The following GFI1B variants were observed in gnomAD, a reference collection of about 807,000 sequenced individuals.
The protein encoded by GFI1B is zinc finger protein Gfi-1b.
Under a neutral mutation model 35.3 loss-of-function variants are expected in GFI1B, and 20 were observed. The ratio of observed to expected loss-of-function variants is 0.57; its 90% CI spans 0.40 to 0.82. The LOEUF is 0.82. Among genes scored for constraint, GFI1B ranks in the 40% least tolerant of loss-of-function variants. The pLI is 0.00. For synonymous variants in GFI1B, 178 were observed against 177.6 expected (o/e 1.00, Z -0.02); for missense variants, 430 against 446.3 (o/e 0.96, Z 0.33).
In GFI1B at chr9:132,991,112, C is replaced by G. The variant is rs1372611681; in HGVS notation, c.*62C>G. On this transcript the variant is annotated 3_prime_UTR_variant, in exon 7 of 7. Transcript: ENST00000372122. ...TGCGGTCCTGTCACCTGGAGGCCAGCCTCACATGCCCAAATCTCCAGTCTC... is the reference window on the plus strand; with the variant it reads ...TGCGGTCCTGTCACCTGGAGGCCAGGCTCACATGCCCAAATCTCCAGTCTC... The G allele has an allele frequency of 7.0e-7, 1 of 1,419,854 alleles. No homozygotes were observed. The highest frequency in any genetic ancestry group is 9.9e-7 in the Non-Finnish European group (1 of 1,014,862). The allele number at this position is 1,419,854 out of a possible 1,614,324, so 88.0% of individuals were successfully genotyped here. A position where few individuals can be genotyped will look rare whatever the true frequency, so the allele number is the denominator to read the frequency against.
intron 1 of GFI1B, among the ~76,000 whole-genome samples, chr9:132,963,081 C>CAA (rs763899545): frequency 6.5e-3 from 300 of 46,228 alleles, no homozygotes; most frequent in Non-Finnish European, 8.4e-3. Flanking sequence ...GACTCCATCT[C>CAA]AAAAAAAAAA....
chr9:132,948,779 C>T (rs1423368949), intron 1 of GFI1B, among the ~76,000 whole-genome samples: 1 of 152,254 alleles, frequency 6.6e-6, no homozygotes, highest in Non-Finnish European at 1.5e-5. Context: ...TCACACCGCC[C>T]TACCTTGGCT....
In GFI1B at chr9:132,991,055, G is replaced by A; in HGVS notation, c.*5G>A. 2 of 1,612,398 alleles carry A rather than the reference G, an allele frequency of 1.2e-6. No individual in the cohort carries two copies. Among genetic ancestry groups the A allele is most frequent in the East Asian group, 2.2e-5 (1 of 44,884 alleles). On this transcript the variant is annotated 3_prime_UTR_variant, in exon 7 of 7. Transcript: ENST00000372122. ...AGCCAGCACAATCTCAAGTGAGGCTGCGCCGGCTCCCAGCTCCTGGCCAGC... is the reference window on the plus strand; with the variant it reads ...AGCCAGCACAATCTCAAGTGAGGCTACGCCGGCTCCCAGCTCCTGGCCAGC...
At chr9:132,973,447 A>G (rs1848568807) in intron 2 of GFI1B, among the ~76,000 whole-genome samples, 1 of 152,124 alleles carries the variant, frequency 6.6e-6, no homozygotes, top group Non-Finnish European at 1.5e-5. Context: ...CCCGTTGTCC[A>G]CAGACAGAGG....
intron 1 of GFI1B, among the ~76,000 whole-genome samples, chr9:132,954,380 G>A (rs1032111123): frequency 1.3e-4 from 20 of 152,034 alleles, no homozygotes; most frequent in Non-Finnish European, 2.9e-5. Flanking sequence ...TTGGAGACCA[G>A]CCTGACCAAA....
chr9:132,955,273 T>C (rs1023339797), intron 1 of GFI1B, among the ~76,000 whole-genome samples: 1 of 152,074 alleles, frequency 6.6e-6, no homozygotes, highest in Admixed American at 6.6e-5. Context: ...TCTAGGTTGA[T>C]GGTTTCTTTC....
At chr9:132,983,190 C>CTT (rs66711864) in intron 1 of GFI1B, among the ~76,000 whole-genome samples, 15,031 of 98,598 alleles carry the variant, frequency 0.15, 1,823 homozygotes, top group East Asian at 0.31. Context: ...TTTCTCCCTC[C>CTT]TTTTTTTTTT....
Position 132,987,415 on chromosome 9 carries a change from A to G in GFI1B, c.234A>G (p.Ala78=). 6.2e-7 allele frequency: 1 copy of G among 1,614,216 alleles called. No individual in the cohort carries two copies. Among genetic ancestry groups the G allele is most frequent in the Non-Finnish European group, 8.5e-7 (1 of 1,180,020 alleles). The change falls in exon 3 of 7, where the codon GCA becomes GCG. Residue 78 remains alanine (A), a synonymous_variant. Coordinates refer to ENST00000372122, the MANE Select transcript of GFI1B (RefSeq NM_001377304.1). ...QDQNLARMAP[A]PEGPIVLSRP... is the part of the protein sequence containing the mutation. ...AGAACTTGGCCAGGATGGCCCCGGC[A>G]CCAGGTACCCCGCTGTGACCCACTG...
chr9:132,969,969 G>T (rs577869577), intron 1 of GFI1B, among the ~76,000 whole-genome samples: 1 of 152,124 alleles, frequency 6.6e-6, no homozygotes, highest in Non-Finnish European at 1.5e-5. Flanking sequence ...TGTAAATCGC[G>T]TGCAAATCCT....
intron 1 of GFI1B, chr9:132,952,787 T>C (rs181490589): frequency 2.6e-4 from 40 of 152,376 alleles, no homozygotes; most frequent in African/African-American, 9.4e-4. Flanking sequence ...TCTAAGACTT[T>C]TGTCTATGAC....
chr9:132,956,495 C>G (rs1355088416), intron 1 of GFI1B, among the ~76,000 whole-genome samples: 1 of 152,166 alleles, frequency 6.6e-6, no homozygotes, highest in African/African-American at 2.4e-5. Flanking sequence ...GGTGCCAGTC[C>G]CAGACAGAGA....
intron 1 of GFI1B, among the ~76,000 whole-genome samples, chr9:132,959,972 C>T (rs1239393710): frequency 3.3e-5 from 5 of 152,168 alleles, no homozygotes; most frequent in South Asian, 2.1e-4. Context: ...TCACGTTCTG[C>T]GGTTCCAGGT....
intron 1 of GFI1B, among the ~76,000 whole-genome samples, chr9:132,960,615 G>A (rs1254800513): frequency 6.6e-6 from 1 of 151,894 alleles, no homozygotes; most frequent in Non-Finnish European, 1.5e-5. Context: ...TCCCAACTCA[G>A]CCTCCCAAAG....
chr9:132,963,918 A>G (rs1848409209), intron 1 of GFI1B: 1 of 152,194 alleles, frequency 6.6e-6, no homozygotes, highest in African/African-American at 2.4e-5. Context: ...GAAAAGAGAC[A>G]CAAATATAAA....
intron 3 of GFI1B, 95 bp downstream of exon 3, chr9:132,987,514 T>C: frequency 6.9e-7 from 1 of 1,440,692 alleles, no homozygotes; most frequent in South Asian, 1.2e-5. Flanking sequence ...GGCCCTGGAG[T>C]CAGGAAGGAC....
chr9:132,956,395 C>T (rs1490698967), intron 1 of GFI1B, among the ~76,000 whole-genome samples: 1 of 151,912 alleles, frequency 6.6e-6, no homozygotes. Context: ...AGCAGGTAGA[C>T]CAGAAAATTT....
At chr9:132,987,781 T>C (rs192483748) in intron 3 of GFI1B, among the ~76,000 whole-genome samples, 46 of 152,230 alleles carry the variant, frequency 3.0e-4, no homozygotes, top group African/African-American at 1.0e-3. Flanking sequence ...ACCCTCCACA[T>C]GAGGTGATGA....
At chr9:132,971,999 G>T (rs894139223) in intron 1 of GFI1B, among the ~76,000 whole-genome samples, 2 of 152,030 alleles carry the variant, frequency 1.3e-5, no homozygotes, top group East Asian at 3.9e-4. Flanking sequence ...ATTGGGTTGG[G>T]TGTGGTGGCT....
chr9:132,963,229 C>T (rs1260563893), intron 1 of GFI1B, among the ~76,000 whole-genome samples: 1 of 151,960 alleles, frequency 6.6e-6, no homozygotes, highest in Non-Finnish European at 1.5e-5. Flanking sequence ...TGCCTGTAAT[C>T]CCAGCACTTT....
Sources: gnomAD v4.1 joint callset for allele counts (sites outside exome capture counted in the v4.1 genomes callset) on GRCh38, gnomAD v4.1.1 for gene constraint, MANE v1.5 for transcripts, NCBI Gene and HGNC (gene_info 2026-07-23, HGNC 2026-07-21) for gene names.